The following NRROS variants were observed in gnomAD, a reference collection of about 807,000 sequenced individuals.
NRROS encodes negative regulator of reactive oxygen species.
NRROS carries 6 observed loss-of-function variants against 12.0 expected under a neutral mutation model. That is an observed-to-expected ratio of 0.50 (90% CI 0.27 to 0.98). The LOEUF (loss-of-function observed/expected upper bound fraction) is 0.98, where lower values mean the gene tolerates loss of function less well. Ranked by LOEUF, NRROS falls within the 50% of genes least tolerant of loss-of-function variation. The probability of loss-of-function intolerance (pLI) is 0.11; values close to 1 mark genes in which losing one functional copy is unlikely to be tolerated. For missense variants in NRROS, 857 were observed against 888.2 expected (o/e 0.96, Z 0.45); for synonymous variants, 462 against 410.2 (o/e 1.13, Z -1.53).
chr3:196,655,600 T>C (rs1336046429), intron 2 of NRROS, among the ~76,000 whole-genome samples: 8 of 152,110 alleles, frequency 5.3e-5, no homozygotes, highest in Non-Finnish European at 1.0e-4. Context: ...TATGAGAATC[T>C]CCGGGTGAGG....
At chr3:196,657,664 G>A (rs1240734209) in intron 2 of NRROS, among the ~76,000 whole-genome samples, 2 of 148,352 alleles carry the variant, frequency 1.3e-5, no homozygotes, top group East Asian at 2.0e-4. Context: ...CAGAGATGGC[G>A]CCATTGCACT....
At chr3:196,648,355 CACAG>C (rs1737349781) in intron 1 of NRROS, among the ~76,000 whole-genome samples, 1 of 152,136 alleles carries the variant, frequency 6.6e-6, no homozygotes, top group Non-Finnish European at 1.5e-5. Flanking sequence ...CTTACATAAC[CACAG>C]GCTTGTTATC....
intron 2 of NRROS, among the ~76,000 whole-genome samples, chr3:196,655,680 G>A (rs903248863): frequency 1.3e-5 from 2 of 152,162 alleles, no homozygotes; most frequent in Non-Finnish European, 1.5e-5. Flanking sequence ...ACACAGCTGC[G>A]GGGAGGACTT....
At chr3:196,656,910 A>G (rs972693305) in intron 2 of NRROS, among the ~76,000 whole-genome samples, 1 of 152,104 alleles carries the variant, frequency 6.6e-6, no homozygotes, top group African/African-American at 2.4e-5. Context: ...ACCTTATTAG[A>G]AAGTGGACGT....
intron 1 of NRROS, among the ~76,000 whole-genome samples, chr3:196,653,118 T>C (rs929661949): frequency 1.3e-5 from 2 of 152,178 alleles, no homozygotes; most frequent in Admixed American, 1.3e-4. Flanking sequence ...ACACCTCTGC[T>C]TCTGCCCTCT....
intron 2 of NRROS, among the ~76,000 whole-genome samples, chr3:196,657,444 G>A (rs116794182): frequency 0.017 from 2,533 of 151,278 alleles, 84 homozygotes; most frequent in African/African-American, 0.059. Context: ...ACACCTGGCC[G>A]GGCGCGGTGG....
At chr3:196,656,987 T>G (rs7631278) in intron 2 of NRROS, among the ~76,000 whole-genome samples, 27,077 of 151,352 alleles carry the variant, frequency 0.18, 2,495 homozygotes, top group African/African-American at 0.21. Flanking sequence ...GCAGATCACC[T>G]GAGGTCAGGA....
intron 2 of NRROS, among the ~76,000 whole-genome samples, chr3:196,658,227 G>C (rs1313809127): frequency 6.6e-6 from 1 of 152,206 alleles, no homozygotes; most frequent in Non-Finnish European, 1.5e-5. Flanking sequence ...GAGAAAAATA[G>C]GTTACTGAAC....
At position 196,647,679 on chromosome 3, in the gene NRROS, C is replaced by T. The variant is rs985563100; in HGVS notation, c.-13-6848C>T. On this transcript the variant is annotated intron_variant, in intron 1 of 2. Coordinates refer to ENST00000328557, the MANE Select transcript of NRROS (RefSeq NM_198565.3). Reference sequence around the variant, plus strand: ...GTTCAAATGACACTCTTGGCTCAGCCTCCCGAGTAGCTGGAATTACAGGTG... The same window carrying T: ...GTTCAAATGACACTCTTGGCTCAGCTTCCCGAGTAGCTGGAATTACAGGTG... Among the ~76,000 whole-genome samples the T allele has an allele frequency of 5.9e-5, 9 of 152,198 alleles. No homozygotes were observed. In the South Asian group the frequency reaches 1.9e-3, roughly 31 times the overall value.
chr3:196,647,477 GT>G (rs1329418856), intron 1 of NRROS, among the ~76,000 whole-genome samples: 1 of 148,316 alleles, frequency 6.7e-6, no homozygotes, highest in African/African-American at 2.5e-5. Context: ...TCAAGTTCTT[GT>G]TAATGCATCC....
Position 196,661,727 on chromosome 3 carries a change from G to T in NRROS, c.*5G>T. The T allele has an allele frequency of 6.3e-7, 1 of 1,578,552 alleles. No individual in the cohort carries two copies. The highest frequency in any genetic ancestry group is 8.6e-7 in the Non-Finnish European group (1 of 1,164,906). ...CACTGGTCCTCCGTTTACTGACCTG[G>T]CTGTGTGCCAAGACTCGAAATTCGG... On this transcript the variant is annotated 3_prime_UTR_variant, in exon 3 of 3. Transcript: ENST00000328557.
chr3:196,640,189 G>A (rs957282981), intron 1 of NRROS, among the ~76,000 whole-genome samples: 2 of 152,244 alleles, frequency 1.3e-5, no homozygotes, highest in Non-Finnish European at 2.9e-5. Context: ...CAGGGAGCAT[G>A]TGAGCAGACA....
chr3:196,648,283 G>A (rs529808749), intron 1 of NRROS, among the ~76,000 whole-genome samples: 6 of 152,152 alleles, frequency 3.9e-5, no homozygotes, highest in South Asian at 4.2e-4. Flanking sequence ...CATAAATTAC[G>A]GACATCATGA....
intron 1 of NRROS, among the ~76,000 whole-genome samples, chr3:196,644,912 C>G (rs1737279174): frequency 6.6e-6 from 1 of 151,744 alleles, no homozygotes; most frequent in Non-Finnish European, 1.5e-5. Flanking sequence ...ACAATCCCAT[C>G]TGTGAATAAC....
At chr3:196,648,787 A>AAAT (rs1316287848) in intron 1 of NRROS, among the ~76,000 whole-genome samples, 2 of 151,616 alleles carry the variant, frequency 1.3e-5, no homozygotes, top group African/African-American at 2.4e-5. Context: ...AAAAAAAAAA[A>AAAT]AAATTCCAAC....
At chr3:196,655,683 G>A (rs1269344377) in intron 2 of NRROS, among the ~76,000 whole-genome samples, 2 of 152,206 alleles carry the variant, frequency 1.3e-5, no homozygotes, top group Non-Finnish European at 2.9e-5. Context: ...CAGCTGCGGG[G>A]AGGACTTGCT....
At position 196,661,191 on chromosome 3, in the gene NRROS, G is replaced by A. The variant is rs761633678; in HGVS notation, c.1548G>A (p.Leu516=). The A allele has an allele frequency of 6.2e-7, 1 of 1,613,556 alleles. No individual in the cohort carries two copies. The highest frequency in any genetic ancestry group is 8.5e-7 in the Non-Finnish European group (1 of 1,179,788). Residue 516 remains leucine (L), a synonymous_variant, in exon 3 of 3, where the codon CTG becomes CTA. Transcript: ENST00000328557. ...LQDVAPMLQV[L]SLRNMGLHSS... The stretch of plus-strand genomic sequence containing the variant: ...ATGTTGCCCCCATGTTACAGGTCCT[G>A]TCTCTCAGGAACATGGGCCTCCACT...
intron 1 of NRROS, among the ~76,000 whole-genome samples, chr3:196,647,043 C>T (rs1274371218): frequency 6.6e-6 from 1 of 152,204 alleles, no homozygotes; most frequent in African/African-American, 2.4e-5. Context: ...TTTTATCATA[C>T]CACGTCATTC....
At chr3:196,650,614 CTT>C (rs1737406071) in intron 1 of NRROS, among the ~76,000 whole-genome samples, 1 of 152,244 alleles carries the variant, frequency 6.6e-6, no homozygotes, top group Non-Finnish European at 1.5e-5. Flanking sequence ...AAAGGAGACT[CTT>C]TGCAGCGGCT....
Sources: allele counts gnomAD v4.1 joint callset (sites outside exome capture counted in the v4.1 genomes callset), GRCh38; gene constraint gnomAD v4.1.1; transcripts MANE v1.5; gene names NCBI Gene and HGNC (gene_info 2026-07-23, HGNC 2026-07-21).